The following CHRNG variants were observed in gnomAD, a reference collection of about 807,000 sequenced individuals.
CHRNG encodes acetylcholine receptor subunit gamma.
In CHRNG, 72 loss-of-function variants were observed where a neutral mutation model predicts 65.2. The ratio of observed to expected loss-of-function variants is 1.10; its 90% CI spans 0.91 to 1.34. CHRNG has a LOEUF of 1.34. Ranked by LOEUF, CHRNG falls within the 40% of genes most tolerant of loss-of-function variation. The probability of loss-of-function intolerance (pLI) is 0.00; values close to 1 mark genes in which losing one functional copy is unlikely to be tolerated. For synonymous variants in CHRNG, 284 were observed against 290.2 expected (o/e 0.98, Z 0.22); for missense variants, 637 against 680.1 (o/e 0.94, Z 0.70).
rs1261043434 is a variant in CHRNG at position 232,545,577 on chromosome 2, T to G, written c.1415T>G (p.Leu472Arg). The G allele has an allele frequency of 1.2e-6, 2 of 1,614,034 alleles. No individual in the cohort carries two copies. Among genetic ancestry groups the G allele is most frequent in the Non-Finnish European group, 1.7e-6 (2 of 1,180,000 alleles). ...NEEWFLVGRV[L>R]DRVCFLAMLS... ...GAGTGGTTCCTGGTGGGCCGAGTGC[T>G]GGACCGCGTCTGCTTCCTGGCCATG... Residue 472 changes from leucine to arginine, a missense_variant, in exon 12 of 12, where the codon CTG becomes CGG. Leu to Arg is a moderately radical substitution (Grantham distance 102). Coordinates refer to ENST00000651502, the MANE Select transcript of CHRNG (RefSeq NM_005199.5).
At position 232,540,749 on chromosome 2, in the gene CHRNG, G is replaced by A. The variant is rs1241890729; in HGVS notation, c.350+38G>A. The A allele has an allele frequency of 1.9e-6, 3 of 1,558,822 alleles. No individual in the cohort carries two copies. Among genetic ancestry groups the A allele is most frequent in the Admixed American group, 1.7e-5 (1 of 57,840 alleles). ...TGCAGGCAGGGGTGTGGGGGACAAA[G>A]GACACAGGGTCTGGGCCCAGCAGAA... On this transcript the variant is annotated intron_variant, in intron 4 of 11. Transcript: ENST00000651502. This position sits in a 1 kb window ranked among gnomAD's most constrained non-coding sequence, Gnocchi z 4.2.
In CHRNG at chr2:232,547,334, C is replaced by G. The variant is rs1242181303; in HGVS notation, c.*1618C>G. Among the ~76,000 whole-genome samples, 4 of 152,132 alleles carry G rather than the reference C, an allele frequency of 2.6e-5. No homozygotes were observed. The East Asian group carries it at 7.7e-4, about 29-fold the overall frequency. On this transcript the variant is annotated 3_prime_UTR_variant, in exon 12 of 12. Transcript: ENST00000651502. Reference sequence around the variant, plus strand: ...TCGGGAGGCTGAGGTGGGAGGATCGCTTGAGCCCAGGAGGTCTAGGCTGCA... The same window carrying G: ...TCGGGAGGCTGAGGTGGGAGGATCGGTTGAGCCCAGGAGGTCTAGGCTGCA...
In CHRNG at chr2:232,540,410, T is replaced by C. The variant is rs1447563094; in HGVS notation, c.225T>C (p.Asn75=). 3.1e-6 allele frequency: 5 copies of C among 1,613,998 alleles called. No homozygotes were observed. Among genetic ancestry groups the C allele is most frequent in the Non-Finnish European group, 3.4e-6 (4 of 1,179,964 alleles). The change falls in exon 3 of 12, where the codon AAT becomes AAC. Residue 75 remains asparagine, a synonymous_variant. Transcript: ENST00000651502. This position sits in a 1 kb window ranked among gnomAD's most constrained non-coding sequence, Gnocchi z 4.2. ...AGCGAGAGGAAGCCCTCACCACCAA[T>C]GTCTGGATAGAGATGGTAAGAGGCC... is the stretch of plus-strand genomic sequence containing the variant. ...LNEREEALTT[N]VWIEMQWCDY... is the part of the protein sequence containing the mutation.
rs57021172 is a variant in CHRNG at position 232,546,308 on chromosome 2, CTTTT to C, written c.*609_*612del. 2.8e-4 allele frequency: 27 copies of C among 94,846 alleles called. No homozygotes were observed. The highest frequency in any genetic ancestry group is 2.2e-3 in the South Asian group (6 of 2,716). The allele number at this position is 94,846 out of a possible 1,614,324, so 5.9% of individuals were successfully genotyped here. A position where few individuals can be genotyped will look rare whatever the true frequency, so the allele number is the denominator to read the frequency against. On this transcript the variant is annotated 3_prime_UTR_variant, in exon 12 of 12. Transcript: ENST00000651502. ...ACGATTTCCTGAGTTTTGTAATCCT[CTTTT>C]TTTTTTTTTTTTTTTTAGTTTTTGA...
At position 232,545,769 on chromosome 2, in the gene CHRNG, G is replaced by T. The variant is rs962602943; in HGVS notation, c.*53G>T. On this transcript the variant is annotated 3_prime_UTR_variant, in exon 12 of 12. Transcript: ENST00000651502. ...GAGTCACACACGTGGGTCACACTGA[G>T]TCTTATCAGCCACGTTCTCCTACTG... 1.0e-5 allele frequency: 16 copies of T among 1,591,856 alleles called. No individual in the cohort carries two copies. In the Admixed American group the frequency reaches 2.5e-4, roughly 25 times the overall value.
In CHRNG at chr2:232,546,308, CTTT is replaced by C. The variant is rs57021172; in HGVS notation, c.*610_*612del. 1.3e-4 allele frequency: 12 copies of C among 94,844 alleles called. No individual in the cohort carries two copies. Among genetic ancestry groups the C allele is most frequent in the Non-Finnish European group, 1.6e-4 (7 of 45,054 alleles). 5.9% of individuals were successfully genotyped at this position (94,844 alleles called of 1,614,324 possible). On this transcript the variant is annotated 3_prime_UTR_variant, in exon 12 of 12. Transcript: ENST00000651502. The stretch of plus-strand genomic sequence containing the variant: ...ACGATTTCCTGAGTTTTGTAATCCT[CTTT>C]TTTTTTTTTTTTTTTTTAGTTTTTG...
Position 232,541,528 on chromosome 2 carries a change from C to A in CHRNG, c.505C>A (p.Gln169Lys). 6.2e-7 allele frequency: 1 copy of A among 1,613,668 alleles called. No individual in the cohort carries two copies. The highest frequency in any genetic ancestry group is 8.5e-7 in the Non-Finnish European group (1 of 1,179,952). The change falls in exon 5 of 12, where the codon CAG (glutamine) becomes AAG (lysine). Residue 169 changes from glutamine to lysine, a missense_variant and splice_region_variant. Physicochemically the swap from Gln to Lys is moderately conservative, Grantham distance 53. Coordinates refer to ENST00000651502, the MANE Select transcript of CHRNG (RefSeq NM_005199.5). The surrounding 1 kb of genome is among the most constrained non-coding windows in gnomAD (Gnocchi z 4.0). ...CTGGCAGAACTGCTCCCTTATCTTC[C>A]AGTGAGGCCATTTATTGGGGAGGAT... is the stretch of plus-strand genomic sequence containing the variant. The part of the protein sequence containing the change: ...FDWQNCSLIF[Q>K]SQTYSTNEID...
At chr2:232,544,261 G>T in intron 9 of CHRNG, 106 bp from the exon 10 acceptor site, 1 of 876,970 alleles carries the variant, frequency 1.1e-6, no homozygotes. Flanking sequence ...TCACTGCCCC[G>T]GTATGCTGCC....
Position 232,546,060 on chromosome 2 carries a change from T to G in CHRNG, c.*344T>G. On this transcript the variant is annotated 3_prime_UTR_variant, in exon 12 of 12. Coordinates refer to ENST00000651502, the MANE Select transcript of CHRNG (RefSeq NM_005199.5). ...AAGCCCGAAGGACTGTTTTGTATAA[T>G]ACCTTCGGACTTGGGACTGGCTCCC... 2.5e-6 allele frequency: 1 copy of G among 393,400 alleles called. No homozygotes were observed. 24.4% of individuals were successfully genotyped at this position (393,400 alleles called of 1,614,324 possible).
Position 232,541,776 on chromosome 2 carries a change from G to T in CHRNG, c.506+247G>T. On this transcript the variant is annotated intron_variant, in intron 5 of 11. Coordinates refer to ENST00000651502, the MANE Select transcript of CHRNG (RefSeq NM_005199.5). This position sits in a 1 kb window ranked among gnomAD's most constrained non-coding sequence, Gnocchi z 4.0. The stretch of plus-strand genomic sequence containing the variant: ...CAGTTTCCTCACCTGTGCTCCAAGG[G>T]GAGACATTCACGCCTGGGGTGCGTG... 3.4e-6 allele frequency: 2 copies of T among 585,642 alleles called. No homozygotes were observed. The highest frequency in any genetic ancestry group is 6.1e-6 in the Non-Finnish European group (2 of 327,990). The allele number at this position is 585,642 out of a possible 1,614,324, so 36.3% of individuals were successfully genotyped here. A position where few individuals can be genotyped will look rare whatever the true frequency, so the allele number is the denominator to read the frequency against.
chr2:232,545,383 AG>A (rs1692107398), intron 11 of CHRNG, among the ~76,000 whole-genome samples, 159 bp from the exon 12 acceptor site: 1 of 151,902 alleles, frequency 6.6e-6, no homozygotes, highest in East Asian at 1.9e-4. Context: ...CCTCAGGGCC[AG>A]GGGGCCATGG....
Position 232,541,636 on chromosome 2 carries a change from T to C in CHRNG, c.506+107T>C. ...TTCTGGCCTTGGCTCTGGCAGCACC[T>C]AGAGGCCTGGCTCCATCTCCCCTGG... On this transcript the variant is annotated intron_variant, in intron 5 of 11. Coordinates refer to ENST00000651502, the MANE Select transcript of CHRNG (RefSeq NM_005199.5). This position sits in a 1 kb window ranked among gnomAD's most constrained non-coding sequence, Gnocchi z 4.0. 1.5e-6 allele frequency: 2 copies of C among 1,375,432 alleles called. No individual in the cohort carries two copies. The highest frequency in any genetic ancestry group is 1.2e-5 in the South Asian group (1 of 86,406). 85.2% of individuals were successfully genotyped at this position (1,375,432 alleles called of 1,614,324 possible). A position where few individuals can be genotyped will look rare whatever the true frequency, so the allele number is the denominator to read the frequency against.
chr2:232,543,540 C>A, intron 8 of CHRNG, 45 bp from the exon 9 acceptor site: 1 of 1,358,804 alleles, frequency 7.4e-7, no homozygotes, highest in Non-Finnish European at 1.1e-6. Flanking sequence ...GTGGGGGTGG[C>A]ATCATGGTAT....
chr2:232,541,832 G>A lies in CHRNG; in HGVS notation c.506+303G>A, dbSNP rs895665653. The A allele has an allele frequency of 3.7e-5, 18 of 492,492 alleles. No individual in the cohort carries two copies. Among genetic ancestry groups the A allele is most frequent in the Admixed American group, 6.6e-5 (2 of 30,492 alleles). The allele number at this position is 492,492 out of a possible 1,614,324, so 30.5% of individuals were successfully genotyped here. On this transcript the variant is annotated intron_variant, in intron 5 of 11. Transcript: ENST00000651502. This position sits in a 1 kb window ranked among gnomAD's most constrained non-coding sequence, Gnocchi z 4.0. ...GAAGGCACACATGCACACAAGATGC[G>A]TGTCTGCGCACACACGAAACCACTG...
chr2:232,546,207 G>C lies in CHRNG; in HGVS notation c.*491G>C, dbSNP rs548109767. ...GGCATCTCCCCCCCGTGCCTTCTGG[G>C]TACAATAAGCACCCAATTCTCAACA... is the stretch of plus-strand genomic sequence containing the variant. On this transcript the variant is annotated 3_prime_UTR_variant, in exon 12 of 12. Coordinates refer to ENST00000651502, the MANE Select transcript of CHRNG (RefSeq NM_005199.5). 1 of 204,600 alleles carries C rather than the reference G, an allele frequency of 4.9e-6. No individual in the cohort carries two copies. The highest frequency in any genetic ancestry group is 1.2e-4 in the East Asian group (1 of 8,386). The allele number at this position is 204,600 out of a possible 1,614,324, so 12.7% of individuals were successfully genotyped here.
At chr2:232,544,606 G>A (rs565267119) in intron 10 of CHRNG, 26 bp downstream of exon 10, 1 of 1,600,236 alleles carries the variant, frequency 6.2e-7, no homozygotes, top group East Asian at 2.2e-5. Context: ...TGTGCCTGGG[G>A]ACAGTCCTCC....
chr2:232,544,588 A>C lies in CHRNG; in HGVS notation c.1249+8A>C, dbSNP rs573144658. ...CAGCGCTGGAGAAGCTAGGTGAGAC[A>C]CACCAGGTGTGCCTGGGGACAGTCC... On this transcript the variant is annotated splice_region_variant and intron_variant, in intron 10 of 11. Transcript: ENST00000651502. 14 of 1,609,898 alleles carry C rather than the reference A, an allele frequency of 8.7e-6. No homozygotes were observed. The highest frequency in any genetic ancestry group is 5.5e-5 in the South Asian group (5 of 91,010).
rs1182608129 is a variant in CHRNG at position 232,548,063 on chromosome 2, ATACC to A, written c.*2350_*2353del. 1.7e-6 allele frequency: 1 copy of A among 589,476 alleles called. No homozygotes were observed. Among genetic ancestry groups the A allele is most frequent in the Admixed American group, 3.5e-5 (1 of 28,898 alleles). 36.5% of individuals were successfully genotyped at this position (589,476 alleles called of 1,614,324 possible). A position where few individuals can be genotyped will look rare whatever the true frequency, so the allele number is the denominator to read the frequency against. On this transcript the variant is annotated 3_prime_UTR_variant, in exon 12 of 12. Transcript: ENST00000651502. Reference sequence around the variant, plus strand: ...AGCATTGTCTAATAAAACAATATACATACCTAAATTTAAAAATACTTTATTGCTA... The same window carrying A: ...AGCATTGTCTAATAAAACAATATACATAAATTTAAAAATACTTTATTGCTA...
chr2:232,544,551 G>A lies in CHRNG; in HGVS notation c.1220G>A (p.Gly407Glu), dbSNP rs767884780. The A allele has an allele frequency of 1.2e-6, 2 of 1,613,564 alleles. No homozygotes were observed. Among genetic ancestry groups the A allele is most frequent in the Non-Finnish European group, 1.7e-6 (2 of 1,179,882 alleles). Residue 407 changes from glycine to glutamate, a missense_variant, in exon 10 of 12, where the codon GGG (glycine) becomes GAG (glutamate). By Grantham distance (98) the Gly-to-Glu change is moderately conservative. Coordinates refer to ENST00000651502, the MANE Select transcript of CHRNG (RefSeq NM_005199.5). The stretch of plus-strand genomic sequence containing the variant: ...CTCTTCCAGCAGTGGCAGCGGCAAG[G>A]GCTGGTGGCGGCAGCGCTGGAGAAG... ...ELLFQQWQRQGLVAAALEKLE... is the reference protein window; with the variant it reads ...ELLFQQWQRQELVAAALEKLE...
Sources: gnomAD v4.1 joint callset for allele counts (sites outside exome capture counted in the v4.1 genomes callset) on GRCh38, gnomAD v4.1.1 for gene constraint, Gnocchi (gnomAD v3.1) non-coding constraint, MANE v1.5 for transcripts, NCBI Gene and HGNC (gene_info 2026-07-23, HGNC 2026-07-21) for gene names.